SH3RF3: variants seen among roughly 807,000 people sequenced by gnomAD.
SH3RF3 encodes SH3 domain containing ring finger 3, also known as E3 ubiquitin-protein ligase SH3RF3.
In SH3RF3, 29 loss-of-function variants were observed where a neutral mutation model predicts 66.3. That is an observed-to-expected ratio of 0.44 (90% confidence interval 0.33 to 0.60). The LOEUF (loss-of-function observed/expected upper bound fraction) is 0.60. SH3RF3 is among the 20% of genes least tolerant of loss of function. The pLI, the probability that SH3RF3 is intolerant of heterozygous loss-of-function variation, is 0.04. For synonymous variants in SH3RF3, 583 were observed against 532.0 expected (o/e 1.10, Z -1.32); for missense variants, 1,194 against 1,190.9 (o/e 1.00, Z -0.04).
chr2:109,431,194 A>T (rs1315324946), intron 5 of SH3RF3, among the ~76,000 whole-genome samples: 1 of 152,166 alleles, frequency 6.6e-6, no homozygotes, highest in East Asian at 1.9e-4. Context: ...CTTCCCTCAT[A>T]TCCCCAGAGA....
At chr2:109,458,430 T>A (rs913562290) in intron 8 of SH3RF3, among the ~76,000 whole-genome samples, 2 of 152,166 alleles carry the variant, frequency 1.3e-5, no homozygotes, top group African/African-American at 4.8e-5. Flanking sequence ...CACTTTAAGG[T>A]CACCTTACAA....
intron 1 of SH3RF3, among the ~76,000 whole-genome samples, chr2:109,140,249 C>T (rs1305751335): frequency 6.6e-6 from 1 of 152,240 alleles, no homozygotes; most frequent in East Asian, 1.9e-4. Flanking sequence ...TTGGAGTTCT[C>T]TCTCTTCCTG....
intron 8 of SH3RF3, among the ~76,000 whole-genome samples, chr2:109,483,644 G>C (rs971240515): frequency 6.6e-6 from 1 of 152,216 alleles, no homozygotes; most frequent in Non-Finnish European, 1.5e-5. Flanking sequence ...TTGGCATAGA[G>C]TTTGGTATAA....
chr2:109,424,478 A>ATT (rs11448369), intron 5 of SH3RF3, among the ~76,000 whole-genome samples: 64 of 152,080 alleles, frequency 4.2e-4, no homozygotes, highest in African/African-American at 1.2e-3. Context: ...CAGATACTGC[A>ATT]TTTTTTTTAC....
intron 9 of SH3RF3, 78 bp downstream of exon 9, chr2:109,491,014 G>A: frequency 4.6e-6 from 6 of 1,315,924 alleles, no homozygotes; most frequent in Non-Finnish European, 5.9e-6. Flanking sequence ...CGGGGAGCAG[G>A]GACACTGTGG....
In SH3RF3 at chr2:109,432,659, C is replaced by T; in HGVS notation, c.1562C>T (p.Thr521Ile). 6.2e-7 allele frequency: 1 copy of T among 1,611,896 alleles called. No homozygotes were observed. The highest frequency in any genetic ancestry group is 8.5e-7 in the Non-Finnish European group (1 of 1,179,030). The change falls in exon 6 of 10, where the codon ACA becomes ATA. Residue 521 changes from threonine to isoleucine, a missense_variant. Thr to Ile is a moderately conservative substitution (Grantham distance 89). Transcript: ENST00000309415. ...GGGGTGTTCCCCGGAAACTACGTGACACCCGTTTCCAGGTGAGGGCATGGT... is the reference window on the plus strand; with the variant it reads ...GGGGTGTTCCCCGGAAACTACGTGATACCCGTTTCCAGGTGAGGGCATGGT... Reference protein sequence around the residue: ...VSGVFPGNYVTPVSRVPAGGA... With the variant: ...VSGVFPGNYVIPVSRVPAGGA...
chr2:109,372,051 A>G (rs1327349930), intron 3 of SH3RF3, among the ~76,000 whole-genome samples: 1 of 152,218 alleles, frequency 6.6e-6, no homozygotes, highest in Non-Finnish European at 1.5e-5. Context: ...CCAGAGGGGA[A>G]GAACCCGTCC....
Position 109,378,174 on chromosome 2 carries a change from C to T in SH3RF3, c.945+6493C>T, listed in dbSNP as rs371654426. On this transcript the variant is annotated intron_variant, in intron 3 of 9. Coordinates refer to ENST00000309415, the MANE Select transcript of SH3RF3 (RefSeq NM_001099289.3). Reference sequence around the variant, plus strand: ...GAGGCTCCTCTCTCCTCCGCAGCACCTCCAGACCTGTCTGATCCTGTGGTC... The same window carrying T: ...GAGGCTCCTCTCTCCTCCGCAGCACTTCCAGACCTGTCTGATCCTGTGGTC... Among the ~76,000 whole-genome samples, 45 of 152,352 alleles carry T rather than the reference C, an allele frequency of 3.0e-4. 1 individual carries two copies. The East Asian group carries it at 3.7e-3, about 12-fold the overall frequency.
chr2:109,132,424 C>T (rs1489388602), intron 1 of SH3RF3, among the ~76,000 whole-genome samples: 4 of 152,124 alleles, frequency 2.6e-5, no homozygotes, highest in African/African-American at 9.7e-5. Context: ...TGTTTTTCAT[C>T]GGTTTTGGTG....
At chr2:109,376,461 A>T (rs935463567) in intron 3 of SH3RF3, among the ~76,000 whole-genome samples, 1 of 152,218 alleles carries the variant, frequency 6.6e-6, no homozygotes, top group African/African-American at 2.4e-5. Context: ...CTTAGAAGGC[A>T]TGTTAGCAAA....
rs375289655 is a variant in SH3RF3, at chr2:109,266,607, C to T, written c.574-81067C>T. Reference sequence around the variant, plus strand: ...TGCCCGTCACCGAGACCTTGGAGTGCAGAGCAGGGCTCCCCTCAGGGCTTA... The same window carrying T: ...TGCCCGTCACCGAGACCTTGGAGTGTAGAGCAGGGCTCCCCTCAGGGCTTA... On this transcript the variant is annotated intron_variant, in intron 1 of 9. Coordinates refer to ENST00000309415, the MANE Select transcript of SH3RF3 (RefSeq NM_001099289.3). Among the ~76,000 whole-genome samples the T allele has an allele frequency of 9.3e-4, 141 of 152,028 alleles. 1 individual carries two copies. Among genetic ancestry groups the T allele is most frequent in the African/African-American group, 3.2e-3 (133 of 41,456 alleles).
In SH3RF3 at chr2:109,163,390, CTTTTTTTTTTTTT is replaced by C. The variant is rs70956302; in HGVS notation, c.573+33291_573+33303del. On this transcript the variant is annotated intron_variant, in intron 1 of 9. Transcript: ENST00000309415. ...AATAGATTAACCAAGAGCAAATATT[CTTTTTTTTTTTTT>C]TTTTTTTTTTTTTGAGACGGAGTCT... Among the ~76,000 whole-genome samples, 9 of 70,268 alleles carry C rather than the reference CTTTTTTTTTTTTT, an allele frequency of 1.3e-4. 1 individual carries two copies. The highest frequency in any genetic ancestry group is 2.2e-4 in the Non-Finnish European group (9 of 40,956). The allele number at this position is 70,268 out of a possible 152,430, so 46.1% of individuals were successfully genotyped here.
rs187526793 is a variant in SH3RF3, at chr2:109,195,927, G to T, written c.573+65814G>T. 2.3e-3 allele frequency among the ~76,000 whole-genome samples: 354 copies of T among 152,276 alleles called. 2 individuals are homozygous for T. The highest frequency in any genetic ancestry group is 7.9e-3 in the African/African-American group (330 of 41,558). On this transcript the variant is annotated intron_variant, in intron 1 of 9. Transcript: ENST00000309415. Reference sequence around the variant, plus strand: ...GTTGCATTATCTCATTACTGACTGAGCACCTCGCCCTGCAGCGAGAAGGGC... The same window carrying T: ...GTTGCATTATCTCATTACTGACTGATCACCTCGCCCTGCAGCGAGAAGGGC...
At chr2:109,300,101 G>A (rs1031173871) in intron 1 of SH3RF3, among the ~76,000 whole-genome samples, 12 of 152,202 alleles carry the variant, frequency 7.9e-5, no homozygotes, top group African/African-American at 2.7e-4. Flanking sequence ...GGATAAGAGA[G>A]GTGGACATTT....
chr2:109,501,507 C>T lies in SH3RF3; in HGVS notation c.2485C>T (p.Arg829Cys). Residue 829 changes from arginine (R) to cysteine (C), a missense_variant, in exon 10 of 10, where the codon CGC (arginine) becomes TGC (cysteine). By Grantham distance (180) the Arg-to-Cys change is radical (BLOSUM62 -3). Coordinates refer to ENST00000309415, the MANE Select transcript of SH3RF3 (RefSeq NM_001099289.3). ...CCCACTGTGCTGTTTCCCCAGGTAC[C>T]GCGTGGTGGTCTCGTACCCACCCCA... is the stretch of plus-strand genomic sequence containing the variant. ...EPKLLPRERY[R>C]VVVSYPPQSE... 1 of 777,246 alleles carries T rather than the reference C, an allele frequency of 1.3e-6. No individual in the cohort carries two copies. Among genetic ancestry groups the T allele is most frequent in the South Asian group, 1.4e-5 (1 of 73,542 alleles). 48.1% of individuals were successfully genotyped at this position (777,246 alleles called of 1,614,324 possible).
At chr2:109,391,975 G>C (rs971779774) in intron 3 of SH3RF3, among the ~76,000 whole-genome samples, 3 of 151,980 alleles carry the variant, frequency 2.0e-5, no homozygotes, top group Non-Finnish European at 4.4e-5. Context: ...ATGCCACCAC[G>C]CCCAGCTAAT....
chr2:109,349,454 A>C (rs957366185), intron 2 of SH3RF3, among the ~76,000 whole-genome samples: 2 of 152,066 alleles, frequency 1.3e-5, no homozygotes, highest in Admixed American at 6.5e-5. Flanking sequence ...TCCTGGGGCT[A>C]TTTTTAGGCA....
intron 1 of SH3RF3, among the ~76,000 whole-genome samples, chr2:109,191,596 C>T (rs1228681614): frequency 1.3e-5 from 2 of 152,102 alleles, no homozygotes; most frequent in Non-Finnish European, 2.9e-5. Context: ...CAGGCATTTC[C>T]CACCCTTTCA....
chr2:109,368,956 G>C (rs1683205266), intron 2 of SH3RF3, among the ~76,000 whole-genome samples: 1 of 152,092 alleles, frequency 6.6e-6, no homozygotes, highest in South Asian at 2.1e-4. Flanking sequence ...TGGTGAGCTT[G>C]AGAGGCAAGT....
Sources: gnomAD v4.1 joint callset for allele counts (sites outside exome capture counted in the v4.1 genomes callset) on GRCh38, gnomAD v4.1.1 for gene constraint, MANE v1.5 for transcripts, NCBI Gene and HGNC (gene_info 2026-07-23, HGNC 2026-07-21) for gene names.